Variants in RTF2 observed in about 807,000 individuals in gnomAD.
RTF2 encodes the protein replication termination factor 2, also known as UPF0549 protein C20orf43.
A neutral mutation model predicts 38.0 loss-of-function variants in RTF2; 18 were observed. The observed-to-expected ratio is 0.47, with a 90% CI of 0.33 to 0.70. RTF2 has a LOEUF of 0.70. RTF2 is among the 30% of genes least tolerant of loss of function. The pLI is 0.02. For synonymous variants in RTF2, 126 were observed against 137.1 expected (o/e 0.92, Z 0.57); for missense variants, 311 against 379.6 (o/e 0.82, Z 1.50).
At chr20:56,510,721 C>T (rs1443478774) in intron 5 of RTF2, among the ~76,000 whole-genome samples, 1 of 152,102 alleles carries the variant, frequency 6.6e-6, no homozygotes, top group Non-Finnish European at 1.5e-5. Flanking sequence ...GGGTGGATTA[C>T]CTGAGCCCAG....
chr20:56,497,954 T>C (rs1200554203), intron 5 of RTF2, among the ~76,000 whole-genome samples: 4 of 152,366 alleles, frequency 2.6e-5, no homozygotes, highest in Non-Finnish European at 5.9e-5. Flanking sequence ...CAATGTATGA[T>C]AGCCATTTAT....
intron 6 of RTF2, among the ~76,000 whole-genome samples, chr20:56,515,428 T>C (rs1456398194): frequency 1.3e-5 from 2 of 151,968 alleles, no homozygotes; most frequent in South Asian, 2.1e-4. Context: ...AAAAATTAGC[T>C]GGATGTGGTG....
At chr20:56,493,189 C>T (rs1450449763) in intron 5 of RTF2, among the ~76,000 whole-genome samples, 3 of 151,998 alleles carry the variant, frequency 2.0e-5, no homozygotes, top group African/African-American at 7.2e-5. Flanking sequence ...AAAAACCTAT[C>T]TTAAGGAAAT....
At chr20:56,509,774 T>TA (rs1340424986) in intron 5 of RTF2, among the ~76,000 whole-genome samples, 2 of 152,182 alleles carry the variant, frequency 1.3e-5, no homozygotes, top group African/African-American at 4.8e-5. Context: ...AAAGTTAACT[T>TA]ATGGCCAGTC....
chr20:56,497,915 C>CA (rs1436571550), intron 5 of RTF2, among the ~76,000 whole-genome samples: 2 of 152,194 alleles, frequency 1.3e-5, no homozygotes, highest in Non-Finnish European at 2.9e-5. Flanking sequence ...AAGAAACTGC[C>CA]AAACTGTTTT....
At chr20:56,491,572 CAT>C (rs1224000551) in intron 5 of RTF2, 22 of 1,548,164 alleles carry the variant, frequency 1.4e-5, no homozygotes, top group Non-Finnish European at 1.9e-5. Flanking sequence ...GGTTCAGTCT[CAT>C]ATTGAAATGA....
At chr20:56,496,865 A>G (rs1983578871) in intron 5 of RTF2, 1 of 1,551,778 alleles carries the variant, frequency 6.4e-7, no homozygotes, top group Non-Finnish European at 8.7e-7. Context: ...CGAATTCGAG[A>G]TGACTTTGAC....
rs1477107394 is a variant in RTF2, at chr20:56,518,324, C to T, written c.*59C>T. The T allele has an allele frequency of 4.3e-5, 64 of 1,503,042 alleles. No individual in the cohort carries two copies. The highest frequency in any genetic ancestry group is 2.3e-4 in the Middle Eastern group (1 of 4,392). 93.1% of individuals were successfully genotyped at this position (1,503,042 alleles called of 1,614,324 possible). A position where few individuals can be genotyped will look rare whatever the true frequency, so the allele number is the denominator to read the frequency against. ...TTGTTTAGTTTCCACGTAGGCAGGT[C>T]GCTTTGTGCCTCTGAGTGCGCTGCT... is the stretch of plus-strand genomic sequence containing the variant. On this transcript the variant is annotated 3_prime_UTR_variant, in exon 9 of 9. Transcript: ENST00000357348.
chr20:56,511,432 A>C (rs113669133), intron 5 of RTF2, among the ~76,000 whole-genome samples: 1 of 151,060 alleles, frequency 6.6e-6, no homozygotes, highest in African/African-American at 2.4e-5. Context: ...CCAACCATCT[A>C]TGGAAAGATT....
intron 8 of RTF2, 48 bp from the exon 9 acceptor site, chr20:56,518,039 A>G (rs1458586035): frequency 6.4e-7 from 1 of 1,554,724 alleles, no homozygotes; most frequent in Non-Finnish European, 8.7e-7. Context: ...CGAAGTTTAG[A>G]ATCATCTTTA....
chr20:56,479,436 G>A (rs1219316754), intron 4 of RTF2, among the ~76,000 whole-genome samples: 5 of 152,064 alleles, frequency 3.3e-5, no homozygotes, highest in East Asian at 1.9e-4. Context: ...TATTGGCCGG[G>A]CTGGTCTCAA....
chr20:56,504,219 C>G (rs1443356029), intron 5 of RTF2: 1 of 152,140 alleles, frequency 6.6e-6, no homozygotes, highest in Non-Finnish European at 1.5e-5. Flanking sequence ...GAGTTTTATT[C>G]CTGTTGGTTC....
intron 5 of RTF2, among the ~76,000 whole-genome samples, chr20:56,498,720 G>A (rs1160196925): frequency 6.6e-6 from 1 of 152,178 alleles, no homozygotes. Context: ...AAGATTGATA[G>A]GTAACATGTC....
chr20:56,492,259 A>G (rs892505063), intron 5 of RTF2, among the ~76,000 whole-genome samples: 4 of 151,358 alleles, frequency 2.6e-5, no homozygotes, highest in African/African-American at 9.7e-5. Context: ...TGTATTTTTT[A>G]TAGAAACGGG....
At chr20:56,500,592 G>A (rs931769149) in intron 5 of RTF2, among the ~76,000 whole-genome samples, 1 of 152,156 alleles carries the variant, frequency 6.6e-6, no homozygotes, top group Non-Finnish European at 1.5e-5. Flanking sequence ...ATAGAGACAG[G>A]GACATGGCCA....
Position 56,518,328 on chromosome 20 carries a change from TTG to T in RTF2, c.*66_*67del. Reference sequence around the variant, plus strand: ...TTAGTTTCCACGTAGGCAGGTCGCTTTGTGCCTCTGAGTGCGCTGCTGTGTGT... The same window carrying T: ...TTAGTTTCCACGTAGGCAGGTCGCTTTGCCTCTGAGTGCGCTGCTGTGTGT... On this transcript the variant is annotated 3_prime_UTR_variant, in exon 9 of 9. Transcript: ENST00000357348. 1 of 1,502,650 alleles carries T rather than the reference TTG, an allele frequency of 6.7e-7. No homozygotes were observed. The highest frequency in any genetic ancestry group is 1.9e-5 in the Admixed American group (1 of 51,732). The allele number at this position is 1,502,650 out of a possible 1,614,324, so 93.1% of individuals were successfully genotyped here. A position where few individuals can be genotyped will look rare whatever the true frequency, so the allele number is the denominator to read the frequency against.
intron 5 of RTF2, among the ~76,000 whole-genome samples, chr20:56,508,868 A>G (rs1389972969): frequency 6.6e-6 from 1 of 152,236 alleles, no homozygotes; most frequent in African/African-American, 2.4e-5. Flanking sequence ...TGTAAAAATA[A>G]ACTCAAAGTG....
intron 2 of RTF2, among the ~76,000 whole-genome samples, chr20:56,474,114 A>T (rs552833738): frequency 6.6e-6 from 1 of 152,314 alleles, no homozygotes; most frequent in African/African-American, 2.4e-5. Context: ...TTATACGTTA[A>T]ATTTCCCAAT....
chr20:56,497,288 G>A (rs779646895), intron 5 of RTF2: 29 of 1,550,842 alleles, frequency 1.9e-5, no homozygotes, highest in Middle Eastern at 1.7e-4. Flanking sequence ...AAGAGAAATC[G>A]CCCTCTTCTG....
Sources: allele counts gnomAD v4.1 joint callset (sites outside exome capture counted in the v4.1 genomes callset), GRCh38; gene constraint gnomAD v4.1.1; transcripts MANE v1.5; gene names NCBI Gene and HGNC (gene_info 2026-07-23, HGNC 2026-07-21).